The following STARD9 variants were observed in gnomAD, a reference collection of about 807,000 sequenced individuals.
STARD9 encodes the protein StAR related lipid transfer domain containing 9, also known as stAR-related lipid transfer protein 9.
Under a neutral mutation model 399.8 loss-of-function variants are expected in STARD9, and 346 were observed. The ratio of observed to expected loss-of-function variants is 0.87; its 90% confidence interval spans 0.79 to 0.95. The LOEUF (loss-of-function observed/expected upper bound fraction) is 0.95, where lower values mean the gene tolerates loss of function less well. STARD9 is among the 40% of genes least tolerant of loss of function. The pLI is 0.00. For synonymous variants in STARD9, 2,203 were observed against 2,143.5 expected (o/e 1.03, Z -0.77); for missense variants, 5,832 against 5,667.5 (o/e 1.03, Z -0.93).
intron 3 of STARD9, among the ~76,000 whole-genome samples, chr15:42,617,493 G>T (rs2058991928): frequency 6.6e-6 from 1 of 151,988 alleles, no homozygotes; most frequent in Admixed American, 6.6e-5. Flanking sequence ...CTCCCGAGTA[G>T]CTGGGACTAG....
chr15:42,664,789 A>AACACAC lies in STARD9; in HGVS notation c.1177-433_1177-428dup, dbSNP rs55773330. 9.3e-4 allele frequency among the ~76,000 whole-genome samples: 135 copies of AACACAC among 144,822 alleles called. No individual in the cohort carries two copies. In the East Asian group the frequency reaches 0.01, roughly 11 times the overall value. On this transcript the variant is annotated intron_variant, in intron 13 of 32. Coordinates refer to ENST00000290607, the MANE Select transcript of STARD9 (RefSeq NM_020759.3). ...ATTCATTGGTTTTTGTTTATCCTTT[A>AACACAC]ACACACACACACACACACACACACA... is the stretch of plus-strand genomic sequence containing the variant.
chr15:42,634,956 C>T lies in STARD9; in HGVS notation c.335C>T (p.Thr112Ile). ...CAGACAGGCTCTGGGAAGACATATA[C>T]CATGCTGGGGACCCCAGTGAGTATT... ...YGQTGSGKTY[T>I]MLGTPASVGL... The change falls in exon 4 of 33, where the codon ACC (threonine) becomes ATC (isoleucine). Residue 112 changes from threonine to isoleucine, a missense_variant. Thr to Ile is a moderately conservative substitution (Grantham distance 89). Coordinates refer to ENST00000290607, the MANE Select transcript of STARD9 (RefSeq NM_020759.3). 6.5e-7 allele frequency: 1 copy of T among 1,534,916 alleles called. No individual in the cohort carries two copies. The highest frequency in any genetic ancestry group is 2.4e-5 in the East Asian group (1 of 40,856).
chr15:42,685,054 C>A lies in STARD9; in HGVS notation c.3476C>A (p.Pro1159His). The A allele has an allele frequency of 6.5e-7, 1 of 1,537,144 alleles. No homozygotes were observed. Among genetic ancestry groups the A allele is most frequent in the Non-Finnish European group, 8.7e-7 (1 of 1,146,934 alleles). ...CTGGCTGAGAAGAGGTACCAAAGCC[C>A]CAAAAACAGGCTAGGGGGCAATCGT... ...DSLAEKRYQS[P>H]KNRLGGNRPT... The change falls in exon 23 of 33, where the codon CCC becomes CAC. Residue 1159 changes from proline to histidine, a missense_variant. Physicochemically the swap from Pro to His is moderately conservative, Grantham distance 77. Around this residue, in one of 2 missense-constraint regions of STARD9, gnomAD observed 5,828 missense variants for 5,651.1 expected, o/e 1.03. Transcript: ENST00000290607.
intron 3 of STARD9, among the ~76,000 whole-genome samples, chr15:42,626,939 C>A (rs2059239069): frequency 6.6e-6 from 1 of 151,870 alleles, no homozygotes; most frequent in Admixed American, 6.6e-5. Flanking sequence ...CAACTTCTAC[C>A]TCCGCGGCTA....
intron 22 of STARD9, 33 bp from the exon 23 acceptor site, chr15:42,684,083 C>A (rs1274687651): frequency 1.3e-6 from 2 of 1,500,972 alleles, no homozygotes; most frequent in East Asian, 4.9e-5. Context: ...GTACCTCTCA[C>A]ATCTTCTGAG....
Position 42,686,176 on chromosome 15 carries a change from C to T in STARD9, c.4598C>T (p.Pro1533Leu). 4 of 1,537,418 alleles carry T rather than the reference C, an allele frequency of 2.6e-6. No homozygotes were observed. Among genetic ancestry groups the T allele is most frequent in the Non-Finnish European group, 3.5e-6 (4 of 1,146,936 alleles). ...AGCAAAGGAGGAGATACTCTATTGC[C>T]AGTTGGCCCTAGGGTATCTAGCAAT... ...ASSKGGDTLL[P>L]VGPRVSSNLN... Residue 1533 changes from proline to leucine, a missense_variant, in exon 23 of 33, where the codon CCA becomes CTA. Around this residue, in one of 2 missense-constraint regions of STARD9, gnomAD observed 5,828 missense variants for 5,651.1 expected, o/e 1.03. Transcript: ENST00000290607.
intron 16 of STARD9, chr15:42,674,083 C>G (rs2060260205): frequency 1.8e-5 from 8 of 437,658 alleles, no homozygotes; most frequent in South Asian, 1.3e-4. Context: ...TTTGCATGTA[C>G]TTTCTCGGAC....
Position 42,687,909 on chromosome 15 carries a change from A to G in STARD9, c.6331A>G (p.Lys2111Glu), listed in dbSNP as rs1164379813. The stretch of plus-strand genomic sequence containing the variant: ...CAGCTCTGGAAACCCTTTGCCCTCT[A>G]AGGATCAGCCATCTTCTCCAAGACA... ...PDSSGNPLPS[K>E]DQPSSPRQTD... The change falls in exon 23 of 33, where the codon AAG (lysine) becomes GAG (glutamate). Residue 2111 changes from lysine (K) to glutamate (E), a missense_variant. Transcript: ENST00000290607. The G allele has an allele frequency of 3.3e-6, 5 of 1,537,170 alleles. No individual in the cohort carries two copies. Among genetic ancestry groups the G allele is most frequent in the Non-Finnish European group, 4.4e-6 (5 of 1,146,942 alleles).
intron 26 of STARD9, among the ~76,000 whole-genome samples, chr15:42,696,196 C>T (rs2060843441): frequency 6.6e-6 from 1 of 152,196 alleles, no homozygotes; most frequent in Admixed American, 6.5e-5. Context: ...GTTATTGTTG[C>T]AGTAAATTGT....
At chr15:42,581,332 T>C in intron 1 of STARD9, 2 of 1,314,576 alleles carry the variant, frequency 1.5e-6, no homozygotes, top group Non-Finnish European at 2.2e-6. Context: ...CTATCATAAA[T>C]GATTTGAGTT....
chr15:42,583,552 G>A (rs1470302988), intron 2 of STARD9, 137 bp downstream of exon 2: 1 of 572,126 alleles, frequency 1.7e-6, no homozygotes, highest in Non-Finnish European at 3.0e-6. Context: ...AGGGGGAGGA[G>A]CTTATGCCAA....
At chr15:42,586,695 A>G (rs2058283654) in intron 3 of STARD9, among the ~76,000 whole-genome samples, 1 of 152,328 alleles carries the variant, frequency 6.6e-6, no homozygotes, top group African/African-American at 2.4e-5. Flanking sequence ...GAAAGAAAAG[A>G]CTATGGGAAT....
chr15:42,674,980 G>C lies in STARD9; in HGVS notation c.1687+16G>C, dbSNP rs771390634. ...CTGACTCAAGGTAGGACTGTCTGTA[G>C]CCCTGTTTATCCCAAGATGAGTGAT... On this transcript the variant is annotated intron_variant, in intron 18 of 32. Transcript: ENST00000290607. 3.4e-5 allele frequency: 51 copies of C among 1,512,822 alleles called. No homozygotes were observed. The highest frequency in any genetic ancestry group is 4.2e-5 in the Admixed American group (2 of 47,234). The allele number at this position is 1,512,822 out of a possible 1,614,324, so 93.7% of individuals were successfully genotyped here.
intron 3 of STARD9, among the ~76,000 whole-genome samples, chr15:42,615,182 G>C (rs2058936642): frequency 6.6e-6 from 1 of 151,682 alleles, no homozygotes; most frequent in Admixed American, 6.6e-5. Flanking sequence ...TAATTTTTTT[G>C]TATTTTTAGT....
intron 16 of STARD9, chr15:42,674,093 C>G: frequency 2.8e-5 from 12 of 434,480 alleles, no homozygotes; most frequent in South Asian, 2.1e-4. Flanking sequence ...CTTTCTCGGA[C>G]TAGAGAATTT....
Position 42,705,075 on chromosome 15 carries a change from G to T in STARD9, c.13284+9195G>T, listed in dbSNP as rs1472143436. Reference sequence around the variant, plus strand: ...ATCTTTGTCCGTGGGCACAGGCCTGGAATTAGGCTGTGGGGTTTTTTCTGG... The same window carrying T: ...ATCTTTGTCCGTGGGCACAGGCCTGTAATTAGGCTGTGGGGTTTTTTCTGG... On this transcript the variant is annotated intron_variant, in intron 26 of 32. Transcript: ENST00000290607. Among the ~76,000 whole-genome samples the T allele has an allele frequency of 3.9e-5, 6 of 152,196 alleles. No homozygotes were observed. The East Asian group carries it at 1.2e-3, about 29-fold the overall frequency.
Position 42,674,434 on chromosome 15 carries a change from C to G in STARD9, c.1498-6C>G. ...TCTCATTAAAATGGCTTTTTTCCCC[C>G]TTTAGGAAGGGACAACAAAAATAGG... On this transcript the variant is annotated splice_region_variant and splice_polypyrimidine_tract_variant and intron_variant, in intron 16 of 32. Coordinates refer to ENST00000290607, the MANE Select transcript of STARD9 (RefSeq NM_020759.3). The G allele has an allele frequency of 6.5e-7, 1 of 1,536,876 alleles. No individual in the cohort carries two copies. Among genetic ancestry groups the G allele is most frequent in the Non-Finnish European group, 8.7e-7 (1 of 1,146,600 alleles).
chr15:42,614,418 C>CA (rs2058915388), intron 3 of STARD9, among the ~76,000 whole-genome samples: 1 of 151,856 alleles, frequency 6.6e-6, no homozygotes, highest in Non-Finnish European at 1.5e-5. Context: ...CCGAATGGCC[C>CA]AAAAAATGAA....
chr15:42,591,640 A>T (rs1882897194), intron 3 of STARD9, among the ~76,000 whole-genome samples: 1 of 152,146 alleles, frequency 6.6e-6, no homozygotes, highest in African/African-American at 2.4e-5. Context: ...TTTTTATTGC[A>T]TTGTATCATT....
Sources: allele counts gnomAD v4.1 joint callset (sites outside exome capture counted in the v4.1 genomes callset), GRCh38; gene constraint gnomAD v4.1.1; regional missense constraint gnomAD v4.1.1; transcripts MANE v1.5; gene names NCBI Gene and HGNC (gene_info 2026-07-23, HGNC 2026-07-21).